The following RBFOX1 variants were observed in gnomAD, a reference collection of about 807,000 sequenced individuals.
RBFOX1 encodes the protein RNA binding protein fox-1 homolog 1.
A neutral mutation model predicts 57.7 loss-of-function variants in RBFOX1; 8 were observed. That is an observed-to-expected ratio of 0.14 (90% CI 0.08 to 0.25). The LOEUF (loss-of-function observed/expected upper bound fraction) is 0.25. RBFOX1 is among the 10% of genes least tolerant of loss of function. The pLI, the probability that RBFOX1 is intolerant of heterozygous loss-of-function variation, is 1.00. For missense variants in RBFOX1, 611 were observed against 548.5 expected (o/e 1.11, Z -1.14); for synonymous variants, 326 against 222.4 (o/e 1.47, Z -4.15).
chr16:5,678,577 A>G (rs1010682739), intron 3 of RBFOX1, among the ~76,000 whole-genome samples: 2 of 152,136 alleles, frequency 1.3e-5, no homozygotes, highest in African/African-American at 4.8e-5. Context: ...CTGGATGGTT[A>G]CGTGGTTAAT....
intron 1 of RBFOX1, among the ~76,000 whole-genome samples, chr16:5,311,920 G>A (rs1476703082): frequency 1.3e-5 from 2 of 152,118 alleles, no homozygotes; most frequent in Non-Finnish European, 2.9e-5. Flanking sequence ...CCTTGTTACG[G>A]TGCTGTAATA....
Position 5,709,843 on chromosome 16 carries a change from ATTTTTTTTTTTTTTTTTTTTTTTTTT to A in RBFOX1, c.318+110891_318+110916del, listed in dbSNP as rs35733374. Reference sequence around the variant, plus strand: ...TATATATATATATATATATATATATATTTTTTTTTTTTTTTTTTTTTTTTTTTTTTTTTTACCATTTCCTTTATTCT... The same window carrying A: ...TATATATATATATATATATATATATATTTTTTTTACCATTTCCTTTATTCT... On this transcript the variant is annotated intron_variant, in intron 3 of 19. Transcript: ENST00000641259. 6.5e-3 allele frequency among the ~76,000 whole-genome samples: 80 copies of A among 12,308 alleles called. 8 individuals carry two copies. The highest frequency in any genetic ancestry group is 3.9e-3 in the Non-Finnish European group (28 of 7,190). 8.1% of individuals were successfully genotyped at this position (12,308 alleles called of 152,430 possible).
intron 3 of RBFOX1, among the ~76,000 whole-genome samples, chr16:6,863,816 C>T (rs540481951): frequency 1.1e-4 from 15 of 136,294 alleles, no homozygotes; most frequent in African/African-American, 3.7e-4. Flanking sequence ...GGAGGATGTG[C>T]TATGAAAGGA....
chr16:6,391,869 T>C (rs2092619716), intron 2 of RBFOX1, among the ~76,000 whole-genome samples: 1 of 152,200 alleles, frequency 6.6e-6, no homozygotes, highest in Non-Finnish European at 1.5e-5. Flanking sequence ...ATTGCACTCA[T>C]TACAGTGTGC....
chr16:7,469,537 T>G (rs941070659), intron 4 of RBFOX1, among the ~76,000 whole-genome samples: 15 of 152,168 alleles, frequency 9.9e-5, no homozygotes, highest in Non-Finnish European at 2.2e-4. Flanking sequence ...ATAAAGCTTT[T>G]TAAAATAATG....
chr16:7,258,369 G>A (rs1250114702), intron 4 of RBFOX1, among the ~76,000 whole-genome samples: 1 of 152,130 alleles, frequency 6.6e-6, no homozygotes, highest in African/African-American at 2.4e-5. Context: ...CTGTATATTT[G>A]AGATTCATGT....
intron 3 of RBFOX1, among the ~76,000 whole-genome samples, chr16:7,047,733 T>C (rs1416173902): frequency 2.1e-5 from 3 of 145,300 alleles, no homozygotes; most frequent in African/African-American, 5.1e-5. Flanking sequence ...TTTTTTTTTT[T>C]TTTTTTTTTT....
chr16:6,922,898 G>C (rs1303278732), intron 3 of RBFOX1, among the ~76,000 whole-genome samples: 3 of 152,054 alleles, frequency 2.0e-5, no homozygotes, highest in East Asian at 1.9e-4. Context: ...TAAACAAGGG[G>C]GTCTATATGT....
At chr16:7,292,993 G>A (rs1324530161) in intron 4 of RBFOX1, among the ~76,000 whole-genome samples, 1 of 152,072 alleles carries the variant, frequency 6.6e-6, no homozygotes, top group African/African-American at 2.4e-5. Context: ...AAAGAAAAGA[G>A]GGAAGAGGAA....
In RBFOX1 at chr16:6,907,742, T is replaced by A. The variant is rs1032002974; in HGVS notation, c.-15-144315T>A. The stretch of plus-strand genomic sequence containing the variant: ...TGCACCACCATGCTTGGCTTATTTT[T>A]TTGCATTTTTTAGTAGAGATAGGGT... On this transcript the variant is annotated intron_variant, in intron 3 of 15. Coordinates refer to ENST00000550418, the MANE Select transcript of RBFOX1 (RefSeq NM_018723.4). Among the ~76,000 whole-genome samples the A allele has an allele frequency of 1.2e-4, 17 of 146,142 alleles. 1 individual carries two copies. The highest frequency in any genetic ancestry group is 4.1e-4 in the African/African-American group (17 of 41,018).
chr16:6,990,890 A>AT (rs1278981574), intron 3 of RBFOX1, among the ~76,000 whole-genome samples: 20 of 152,236 alleles, frequency 1.3e-4, no homozygotes, highest in African/African-American at 4.6e-4. Context: ...TAAGGCTGTC[A>AT]TTTTTTATGA....
At chr16:6,390,980 G>C (rs1323942525) in intron 2 of RBFOX1, among the ~76,000 whole-genome samples, 1 of 152,144 alleles carries the variant, frequency 6.6e-6, no homozygotes, top group Non-Finnish European at 1.5e-5. Context: ...GGTGAGGGCT[G>C]TCCTGTGTAT....
At chr16:5,899,443 A>C (rs1428647022) in intron 4 of RBFOX1, among the ~76,000 whole-genome samples, 2 of 152,164 alleles carry the variant, frequency 1.3e-5, no homozygotes, top group African/African-American at 4.8e-5. Flanking sequence ...GCACAGTTAA[A>C]AGGAAATTAA....
At chr16:6,922,236 G>T (rs377502854) in intron 3 of RBFOX1, among the ~76,000 whole-genome samples, 5 of 152,100 alleles carry the variant, frequency 3.3e-5, no homozygotes, top group African/African-American at 1.2e-4. Flanking sequence ...CATTGGCATC[G>T]ATCTCAGAAA....
intron 1 of RBFOX1, among the ~76,000 whole-genome samples, chr16:5,361,971 A>C (rs527609130): frequency 6.6e-6 from 1 of 152,360 alleles, no homozygotes; most frequent in African/African-American, 2.4e-5. Context: ...AACAGAGCTA[A>C]AAACCACCAC....
intron 1 of RBFOX1, among the ~76,000 whole-genome samples, chr16:6,082,176 CTTTTTTT>C (rs58215856): frequency 2.2e-5 from 2 of 89,906 alleles, no homozygotes; most frequent in Non-Finnish European, 4.0e-5. Flanking sequence ...AATACCAGTG[CTTTTTTT>C]TTTTTTTTTT....
intron 2 of RBFOX1, among the ~76,000 whole-genome samples, chr16:5,514,995 G>T (rs1308323194): frequency 6.6e-6 from 1 of 152,076 alleles, no homozygotes; most frequent in East Asian, 1.9e-4. Context: ...AAGGTGAAGG[G>T]GAAGCAGGAA....
intron 4 of RBFOX1, among the ~76,000 whole-genome samples, chr16:7,349,329 G>A (rs1007460764): frequency 1.3e-5 from 2 of 152,066 alleles, no homozygotes; most frequent in Non-Finnish European, 2.9e-5. Context: ...TGTCTAAGGC[G>A]CAAGATCGGT....
chr16:7,469,142 G>C (rs1283467808), intron 4 of RBFOX1, among the ~76,000 whole-genome samples: 1 of 152,040 alleles, frequency 6.6e-6, no homozygotes, highest in Admixed American at 6.6e-5. Flanking sequence ...GACCGTGTTA[G>C]CCAGGATGGT....
Sources: gnomAD v4.1 joint callset for allele counts (sites outside exome capture counted in the v4.1 genomes callset) on GRCh38, gnomAD v4.1.1 for gene constraint, MANE v1.5 for transcripts, NCBI Gene and HGNC (gene_info 2026-07-23, HGNC 2026-07-21) for gene names.